FNDC7: variants seen among roughly 807,000 people sequenced by gnomAD.
The protein encoded by FNDC7 is fibronectin type III domain containing 7, also known as fibronectin type III domain-containing protein 7.
FNDC7 carries 66 observed loss-of-function variants against 74.2 expected under a neutral mutation model. The ratio of observed to expected loss-of-function variants is 0.89; its 90% confidence interval spans 0.73 to 1.09. The LOEUF is 1.09. FNDC7 is among the 50% of genes least tolerant of loss of function. FNDC7 has a pLI of 0.00. For missense variants in FNDC7, 829 were observed against 893.4 expected, an observed-to-expected ratio of 0.93 and a Z score of 0.92; for synonymous variants, 307 against 330.2, an observed-to-expected ratio of 0.93 and a Z score of 0.76.
intron 5 of FNDC7, among the ~76,000 whole-genome samples, chr1:108,724,008 G>T (rs1661150976): frequency 6.6e-6 from 1 of 152,200 alleles, no homozygotes; most frequent in African/African-American, 2.4e-5. Context: ...ATTAATAAAA[G>T]AACTATGTTT....
intron 2 of FNDC7, among the ~76,000 whole-genome samples, chr1:108,716,469 G>A (rs543963231): frequency 6.6e-6 from 1 of 151,842 alleles, no homozygotes; most frequent in East Asian, 1.9e-4. Flanking sequence ...CTGGCAAGTG[G>A]CTATGATGAG....
rs922031066 is a variant in FNDC7, at chr1:108,741,624, T to C, written c.2171-149T>C. 3.8e-6 allele frequency: 3 copies of C among 792,700 alleles called. No homozygotes were observed. The East Asian group carries it at 7.9e-5, about 21-fold the overall frequency. 49.1% of individuals were successfully genotyped at this position (792,700 alleles called of 1,614,324 possible). The stretch of plus-strand genomic sequence containing the variant: ...ATCAGTTTGAACACTTTGTCAGTTG[T>C]CATAGTTTCATGTTTACTTGCCGTG... On this transcript the variant is annotated intron_variant, in intron 11 of 12. Transcript: ENST00000370017.
chr1:108,732,662 A>G (rs1296634826), intron 9 of FNDC7, among the ~76,000 whole-genome samples: 2 of 152,056 alleles, frequency 1.3e-5, no homozygotes, highest in African/African-American at 4.8e-5. Context: ...AAAAATTCAT[A>G]CTGCACACCA....
intron 5 of FNDC7, among the ~76,000 whole-genome samples, chr1:108,724,163 A>G (rs1346264517): frequency 6.6e-6 from 1 of 152,228 alleles, no homozygotes; most frequent in South Asian, 2.1e-4. Flanking sequence ...ATTTTGTTCC[A>G]TCAATAAATG....
chr1:108,718,013 C>T lies in FNDC7; in HGVS notation c.319C>T (p.Pro107Ser). 1 of 1,551,672 alleles carries T rather than the reference C, an allele frequency of 6.4e-7. No homozygotes were observed. ...TGCTGGGAGAAGCCAGGCGTCACCT[C>T]CAAAGCAGGCAAAGACAGGTGGCTG... ...SAAGRSQASPPKQAKTVLAAP... is the reference protein window; with the variant it reads ...SAAGRSQASPSKQAKTVLAAP... Residue 107 changes from proline (P) to serine (S), a missense_variant, in exon 3 of 13, where the codon CCA (proline) becomes TCA (serine). By Grantham distance (74) the Pro-to-Ser change is moderately conservative. Transcript: ENST00000370017.
chr1:108,730,627 T>C (rs772725888), intron 8 of FNDC7, 47 bp from the exon 9 acceptor site: 1 of 1,492,862 alleles, frequency 6.7e-7, no homozygotes, highest in Non-Finnish European at 9.0e-7. Flanking sequence ...ACAAATAATC[T>C]TCAGTGGAAA....
chr1:108,737,135 AATTTTTGT>A (rs1661534130), intron 10 of FNDC7, among the ~76,000 whole-genome samples: 2 of 151,862 alleles, frequency 1.3e-5, no homozygotes, highest in Admixed American at 1.3e-4. Flanking sequence ...ATGCCCGGCT[AATTTTTGT>A]ATTTTTTGGT....
chr1:108,725,648 T>C, intron 5 of FNDC7, 102 bp from the exon 6 acceptor site: 1 of 1,264,664 alleles, frequency 7.9e-7, no homozygotes, highest in Non-Finnish European at 1.1e-6. Flanking sequence ...GTCACAAAGC[T>C]CAGAGTTGCT....
At chr1:108,737,379 C>T (rs959797763) in intron 10 of FNDC7, 116 bp from the exon 11 acceptor site, 17 of 816,824 alleles carry the variant, frequency 2.1e-5, no homozygotes, top group Admixed American at 1.4e-4. Context: ...CACCCAAGTT[C>T]GTTCTTGTTC....
chr1:108,727,349 C>CA (rs1293673211), intron 6 of FNDC7, among the ~76,000 whole-genome samples: 1 of 151,948 alleles, frequency 6.6e-6, no homozygotes, highest in African/African-American at 2.4e-5. Context: ...ACAACAACAA[C>CA]AACAAAAAAA....
At chr1:108,733,649 CTTTTTTTTTT>C in intron 10 of FNDC7, 117 bp downstream of exon 10, 2 of 612,890 alleles carry the variant, frequency 3.3e-6, no homozygotes, top group East Asian at 4.1e-5. Flanking sequence ...AAATTTCTTT[CTTTTTTTTTT>C]TTTTTTTTTT....
In FNDC7 at chr1:108,728,864, C is replaced by CTA; in HGVS notation, c.1603_1604dup (p.Ser536ThrfsTer15). ...CACAGGCAGGACGGAGCCTGCCCAG[C>CTA]TACAGTGTGCCCCTGGAAACAGGTA... On this transcript the variant is annotated frameshift_variant, in exon 8 of 13. Coordinates refer to ENST00000370017, the MANE Select transcript of FNDC7 (RefSeq NM_001144937.3). LOFTEE classifies it high-confidence loss of function. 1 of 1,614,124 alleles carries CTA rather than the reference C, an allele frequency of 6.2e-7. No individual in the cohort carries two copies. Among genetic ancestry groups the CTA allele is most frequent in the East Asian group, 2.2e-5 (1 of 44,874 alleles).
At chr1:108,729,243 A>G (rs1239544621) in intron 8 of FNDC7, among the ~76,000 whole-genome samples, 1 of 152,112 alleles carries the variant, frequency 6.6e-6, no homozygotes, top group East Asian at 1.9e-4. Context: ...GCCCTTTCAA[A>G]TTTTTCTCTT....
chr1:108,727,943 A>G lies in FNDC7; in HGVS notation c.1247A>G (p.Asp416Gly). The change falls in exon 7 of 13, where the codon GAC (aspartate) becomes GGC (glycine). Residue 416 changes from aspartate to glycine, a missense_variant. Coordinates refer to ENST00000370017, the MANE Select transcript of FNDC7 (RefSeq NM_001144937.3). ...VDGYNMVECN[D>G]TTPACTLSAL... ...GGGTACAACATGGTTGAGTGCAATG[A>G]CACTACTCCTGCGTGCACCCTTTCG... The G allele has an allele frequency of 1.9e-6, 3 of 1,614,146 alleles. No homozygotes were observed. Among genetic ancestry groups the G allele is most frequent in the African/African-American group, 2.7e-5 (2 of 75,034 alleles).
chr1:108,713,991 A>G (rs376099019), intron 2 of FNDC7, among the ~76,000 whole-genome samples: 2 of 152,238 alleles, frequency 1.3e-5, no homozygotes, highest in African/African-American at 4.8e-5. Context: ...CTAATATTGC[A>G]TATTTGAAAT....
At chr1:108,717,291 G>A (rs1424852586) in intron 2 of FNDC7, among the ~76,000 whole-genome samples, 2 of 152,162 alleles carry the variant, frequency 1.3e-5, no homozygotes, top group African/African-American at 2.4e-5. Flanking sequence ...GAGAGTGACC[G>A]CAGCCACTGA....
At chr1:108,721,602 G>A (rs937908004) in intron 4 of FNDC7, among the ~76,000 whole-genome samples, 2 of 152,172 alleles carry the variant, frequency 1.3e-5, no homozygotes, top group African/African-American at 4.8e-5. Flanking sequence ...AGATTCCAAA[G>A]AACGGAGGCC....
intron 2 of FNDC7, among the ~76,000 whole-genome samples, chr1:108,716,627 G>T (rs948431957): frequency 1.3e-5 from 2 of 152,124 alleles, no homozygotes; most frequent in African/African-American, 2.4e-5. Flanking sequence ...TTTCTGAGAT[G>T]CTGCCAAAGC....
chr1:108,741,969 G>T lies in FNDC7; in HGVS notation c.*82G>T. On this transcript the variant is annotated 3_prime_UTR_variant, in exon 13 of 13. Coordinates refer to ENST00000370017, the MANE Select transcript of FNDC7 (RefSeq NM_001144937.3). ...GATTAGAGATGGAAAAGATCTACTA[G>T]AATGTAGAATAAAAATGCCTCTAGG... The T allele has an allele frequency of 2.8e-6, 2 of 710,576 alleles. No homozygotes were observed. The highest frequency in any genetic ancestry group is 4.7e-6 in the Non-Finnish European group (2 of 426,842). The allele number at this position is 710,576 out of a possible 1,614,324, so 44.0% of individuals were successfully genotyped here.
Sources: gnomAD v4.1 joint callset for allele counts (sites outside exome capture counted in the v4.1 genomes callset) on GRCh38, gnomAD v4.1.1 for gene constraint, MANE v1.5 for transcripts, NCBI Gene and HGNC (gene_info 2026-07-23, HGNC 2026-07-21) for gene names.